Variants in RAB37 observed in about 807,000 individuals in gnomAD.
The protein encoded by RAB37 is RAB37, member RAS oncogene family, also known as ras-related protein Rab-37.
A neutral mutation model predicts 33.1 loss-of-function variants in RAB37; 29 were observed. The ratio of observed to expected loss-of-function variants is 0.88; its 90% CI spans 0.65 to 1.20. The LOEUF (loss-of-function observed/expected upper bound fraction) is 1.20. Ranked by LOEUF, RAB37 falls within the 50% of genes most tolerant of loss-of-function variation. The pLI, the probability that RAB37 is intolerant of heterozygous loss-of-function variation, is 0.00. For synonymous variants in RAB37, 128 were observed against 119.5 expected (o/e 1.07, Z -0.47); for missense variants, 299 against 301.1 (o/e 0.99, Z 0.05).
In RAB37 at chr17:74,671,647, G is replaced by A. The variant is rs747115129; in HGVS notation, c.61G>A (p.Val21Ile). ...AGCTGGCCCTGACTTCAACGACCAC[G>A]TCCTGCATAAGGTAAACATCTCCTG... The change falls in exon 1 of 8, where the codon GTC (valine) becomes ATC (isoleucine). Residue 21 changes from valine to isoleucine, a missense_variant. By Grantham distance (29) the Val-to-Ile change is conservative. Coordinates refer to the RAB37 transcript ENST00000340415. This position sits in a 1 kb window ranked among gnomAD's most constrained non-coding sequence, Gnocchi z 5.0. 1.2e-6 allele frequency: 2 copies of A among 1,614,056 alleles called. No homozygotes were observed.
intron 1 of RAB37, among the ~76,000 whole-genome samples, chr17:74,687,624 G>T (rs967300736): frequency 2.6e-5 from 4 of 152,184 alleles, no homozygotes; most frequent in Non-Finnish European, 5.9e-5. Flanking sequence ...TTGTGCTGGG[G>T]CAGGGGGAAT....
rs1260205181 is a variant in RAB37 at position 74,744,478 on chromosome 17, ACT to A, written c.432+108_432+109del. 9.2e-7 allele frequency: 1 copy of A among 1,087,144 alleles called. No individual in the cohort carries two copies. Among genetic ancestry groups the A allele is most frequent in the African/African-American group, 1.5e-5 (1 of 64,524 alleles). 67.3% of individuals were successfully genotyped at this position (1,087,144 alleles called of 1,614,324 possible). A position where few individuals can be genotyped will look rare whatever the true frequency, so the allele number is the denominator to read the frequency against. ...TATCTAGGCATCCTTCCTGAAAAGG[ACT>A]CTGCAGCCTCCAGCTCAGGGGTCAG... On this transcript the variant is annotated intron_variant, in intron 6 of 8. Transcript: ENST00000392613. This position sits in a 1 kb window ranked among gnomAD's most constrained non-coding sequence, Gnocchi z 4.2.
At chr17:74,732,772 G>GTGTGTGT (rs1237030511), upstream of RAB37, among the ~76,000 whole-genome samples, 2 of 133,380 alleles carry the variant, frequency 1.5e-5, no homozygotes, top group African/African-American at 2.8e-5. Flanking sequence ...GTGATTTGAG[G>GTGTGTGT]GGTGAGGTGT....
chr17:74,713,514 C>A (rs1398852120), intron 1 of RAB37, among the ~76,000 whole-genome samples: 5 of 152,014 alleles, frequency 3.3e-5, no homozygotes, highest in African/African-American at 1.2e-4. Context: ...CTGGCCAGCC[C>A]TTATCCAATC....
intron 1 of RAB37, among the ~76,000 whole-genome samples, chr17:74,708,780 G>C (rs1177914961): frequency 6.6e-6 from 1 of 152,034 alleles, no homozygotes; most frequent in Non-Finnish European, 1.5e-5. Flanking sequence ...GCCAGGCGTG[G>C]TGGCGGGCGC....
At chr17:74,737,234 C>T (rs1207153904), upstream of RAB37, 4 of 1,538,850 alleles carry the variant, frequency 2.6e-6, no homozygotes. Context: ...CGCTCTCCTT[C>T]GCCTGCGGGC....
chr17:74,725,905 C>T (rs949692932), intron 1 of RAB37, among the ~76,000 whole-genome samples: 11 of 152,016 alleles, frequency 7.2e-5, no homozygotes, highest in African/African-American at 2.7e-4. Context: ...CTTGAGCCAC[C>T]GCACCTGGCC....
At position 74,729,889 on chromosome 17, in the gene RAB37, A is replaced by C. The variant is rs1376850048; in HGVS notation, c.183+523A>C. On this transcript the variant is annotated intron_variant, in intron 2 of 7. Transcript: ENST00000340415. The surrounding 1 kb of genome is among the most constrained non-coding windows in gnomAD (Gnocchi z 4.2). The stretch of plus-strand genomic sequence containing the variant: ...ATCTGGAGGGACAAAGGGACGACAA[A>C]GTTTTCAGCACAGTCCAAACTTAGC... 6.6e-6 allele frequency among the ~76,000 whole-genome samples: 1 copy of C among 152,172 alleles called. No homozygotes were observed. The highest frequency in any genetic ancestry group is 1.5e-5 in the Non-Finnish European group (1 of 68,040).
rs372588769 is a variant in RAB37 at position 74,693,318 on chromosome 17, C to A, written c.72+21660C>A. ...AAAAGCTGGTGTGCATGGAGCAGAG[C>A]CTTTGAGAGGGAGGGTGGATGGAGT... On this transcript the variant is annotated intron_variant, in intron 1 of 7. Transcript: ENST00000340415. 1.0e-3 allele frequency among the ~76,000 whole-genome samples: 153 copies of A among 152,250 alleles called. 2 individuals carry two copies. The highest frequency in any genetic ancestry group is 3.5e-3 in the African/African-American group (146 of 41,542).
chr17:74,714,817 G>A (rs984658922), intron 1 of RAB37, among the ~76,000 whole-genome samples: 1 of 152,090 alleles, frequency 6.6e-6, no homozygotes, highest in Non-Finnish European at 1.5e-5. Context: ...GGTCGGGACT[G>A]GGGATATAAA....
At chr17:74,715,196 C>T (rs1350253686) in intron 1 of RAB37, among the ~76,000 whole-genome samples, 1 of 152,140 alleles carries the variant, frequency 6.6e-6, no homozygotes, top group Non-Finnish European at 1.5e-5. Flanking sequence ...GCCACTTTTG[C>T]CATGTGTCAC....
intron 1 of RAB37, among the ~76,000 whole-genome samples, chr17:74,699,653 G>T (rs1472484010): frequency 1.3e-5 from 2 of 152,106 alleles, no homozygotes; most frequent in Non-Finnish European, 2.9e-5. Context: ...AGCCCCCAGG[G>T]TGGCAACAGC....
intron 2 of RAB37, among the ~76,000 whole-genome samples, chr17:74,731,285 C>T (rs1031953781): frequency 6.6e-6 from 1 of 152,212 alleles, no homozygotes; most frequent in African/African-American, 2.4e-5. Context: ...CCTGCAACTC[C>T]TGCATGATGG....
chr17:74,704,668 G>C, intron 1 of RAB37: 1 of 1,614,138 alleles, frequency 6.2e-7, no homozygotes, highest in Non-Finnish European at 8.5e-7. Context: ...TTTTAACAAG[G>C]ATCTTGCAGT....
intron 1 of RAB37, among the ~76,000 whole-genome samples, chr17:74,713,420 T>A (rs1350328468): frequency 1.3e-5 from 2 of 152,062 alleles, no homozygotes; most frequent in African/African-American, 4.8e-5. Flanking sequence ...AGTACCTCTC[T>A]GTACACAGCC....
At chr17:74,695,098 A>G (rs752296807) in intron 1 of RAB37, 10 of 1,613,064 alleles carry the variant, frequency 6.2e-6, no homozygotes, top group Non-Finnish European at 5.9e-6. Flanking sequence ...AGTGCAGGCT[A>G]AGGCCTGCTG....
rs189800266 is a variant in RAB37 at position 74,678,132 on chromosome 17, G to T, written c.72+6474G>T. ...CTTGCTTCCTTCCTCCTCTTCTCAG[G>T]CAAGAGAAACAGTCTGTAGAGACTG... On this transcript the variant is annotated intron_variant, in intron 1 of 7. Coordinates refer to the RAB37 transcript ENST00000340415. 9.1e-4 allele frequency among the ~76,000 whole-genome samples: 139 copies of T among 152,214 alleles called. 1 individual carries two copies. Among genetic ancestry groups the T allele is most frequent in the Non-Finnish European group, 4.3e-4 (29 of 68,006 alleles).
At chr17:74,672,165 A>T (rs1362087445) in intron 1 of RAB37, among the ~76,000 whole-genome samples, 1 of 152,136 alleles carries the variant, frequency 6.6e-6, no homozygotes, top group Non-Finnish European at 1.5e-5. Flanking sequence ...CCCTGTAAGC[A>T]TTTGCTTATT....
chr17:74,745,240 G>A lies in RAB37; in HGVS notation c.567-66G>A. 2 of 1,551,146 alleles carry A rather than the reference G, an allele frequency of 1.3e-6. No individual in the cohort carries two copies. Among genetic ancestry groups the A allele is most frequent in the Non-Finnish European group, 1.8e-6 (2 of 1,123,890 alleles). On this transcript the variant is annotated intron_variant, in intron 8 of 8. Coordinates refer to ENST00000392613, the MANE Select transcript of RAB37 (RefSeq NM_001006638.3). This position sits in a 1 kb window ranked among gnomAD's most constrained non-coding sequence, Gnocchi z 4.5. ...AGCACTGGGCCACTGGGAGAGGGGA[G>A]GGGGCGGCTCAGCTCCTCACCCCAG...
Sources: gnomAD v4.1 joint callset for allele counts (sites outside exome capture counted in the v4.1 genomes callset) on GRCh38, gnomAD v4.1.1 for gene constraint, Gnocchi (gnomAD v3.1) non-coding constraint, MANE v1.5 for transcripts, NCBI Gene and HGNC (gene_info 2026-07-23, HGNC 2026-07-21) for gene names.